Variants in TBC1D19 observed in about 807,000 individuals in gnomAD.
TBC1D19 encodes TBC1 domain family member 19, also known as TBC1 domain family, member 19.
In TBC1D19, 60 loss-of-function variants were observed where a neutral mutation model predicts 89.0. The ratio of observed to expected loss-of-function variants is 0.67; its 90% CI spans 0.55 to 0.84. TBC1D19 has a LOEUF of 0.84. Among genes scored for constraint, TBC1D19 ranks in the 40% least tolerant of loss-of-function variants. The pLI is 0.00. For synonymous variants in TBC1D19, 189 were observed against 199.7 expected, an observed-to-expected ratio of 0.95 and a Z score of 0.45; for missense variants, 500 against 610.8, an observed-to-expected ratio of 0.82 and a Z score of 1.91.
At chr4:26,688,135 A>G (rs1043711436) in intron 12 of TBC1D19, among the ~76,000 whole-genome samples, 4 of 152,162 alleles carry the variant, frequency 2.6e-5, no homozygotes, top group Non-Finnish European at 5.9e-5. Context: ...TACTAATGGG[A>G]CCTTAAAAAG....
At chr4:26,777,999 T>C in the TBC1D19 span, among the ~76,000 whole-genome samples, 1 of 147,276 alleles carries the variant, frequency 6.8e-6, no homozygotes, top group South Asian at 2.1e-4. Flanking sequence ...CTTGAACCCA[T>C]GAGGCTGAGG....
intron 4 of TBC1D19, among the ~76,000 whole-genome samples, chr4:26,622,096 G>T (rs1426360451): frequency 6.6e-6 from 1 of 152,048 alleles, no homozygotes; most frequent in Non-Finnish European, 1.5e-5. Flanking sequence ...GACTGTTGTG[G>T]GGTGGGGGGA....
At chr4:26,627,068 T>A (rs1232033432) in intron 4 of TBC1D19, among the ~76,000 whole-genome samples, 1 of 150,378 alleles carries the variant, frequency 6.6e-6, no homozygotes, top group Non-Finnish European at 1.5e-5. Context: ...GTCCCCAGGG[T>A]GTGATGTTCC....
At chr4:26,672,725 G>A (rs1361090835) in intron 10 of TBC1D19, among the ~76,000 whole-genome samples, 1 of 151,770 alleles carries the variant, frequency 6.6e-6, no homozygotes, top group African/African-American at 2.4e-5. Flanking sequence ...GAGATATGAA[G>A]TACAGATTGG....
At chr4:26,621,504 T>C (rs892274993) in intron 4 of TBC1D19, among the ~76,000 whole-genome samples, 9 of 152,208 alleles carry the variant, frequency 5.9e-5, no homozygotes, top group African/African-American at 1.7e-4. Context: ...AGAACTCCCA[T>C]GAACCCATCA....
chr4:26,759,469 GT>G (rs1719389010), downstream of TBC1D19, among the ~76,000 whole-genome samples: 1 of 152,042 alleles, frequency 6.6e-6, no homozygotes, highest in Non-Finnish European at 1.5e-5. Flanking sequence ...GTACAATAAA[GT>G]TATATGTATA....
chr4:26,645,833 T>C (rs191464164), intron 7 of TBC1D19, among the ~76,000 whole-genome samples: 2 of 151,294 alleles, frequency 1.3e-5, no homozygotes, highest in East Asian at 1.9e-4. Flanking sequence ...CATCAAAAAG[T>C]GGGCAAAGGG....
upstream of TBC1D19, among the ~76,000 whole-genome samples, chr4:26,580,304 C>T (rs1357672680): frequency 1.3e-5 from 2 of 152,176 alleles, no homozygotes; most frequent in Admixed American, 6.5e-5. Context: ...CTTTGTGAAC[C>T]TTGGGGTTTA....
chr4:26,764,252 A>G, the TBC1D19 span, among the ~76,000 whole-genome samples: 1 of 152,192 alleles, frequency 6.6e-6, no homozygotes, highest in Non-Finnish European at 1.5e-5. Flanking sequence ...TGAAGTCGGG[A>G]TATGACAGTG....
the TBC1D19 span, among the ~76,000 whole-genome samples, chr4:26,848,220 T>C: frequency 6.6e-6 from 1 of 152,174 alleles, no homozygotes; most frequent in Non-Finnish European, 1.5e-5. Context: ...AATGAAACGG[T>C]GAGGAAAAGA....
chr4:26,622,443 G>A (rs539090514), intron 4 of TBC1D19, among the ~76,000 whole-genome samples: 32 of 151,584 alleles, frequency 2.1e-4, no homozygotes, highest in African/African-American at 1.2e-4. Flanking sequence ...ATAATAAGTC[G>A]ACTCTTAGAG....
the TBC1D19 span, among the ~76,000 whole-genome samples, chr4:26,813,086 G>A: frequency 6.6e-6 from 1 of 151,928 alleles, no homozygotes; most frequent in Non-Finnish European, 1.5e-5. Flanking sequence ...CAGGTGTGGT[G>A]GCTCATGTCT....
intron 18 of TBC1D19, among the ~76,000 whole-genome samples, chr4:26,746,995 G>T (rs144088962): frequency 6.6e-6 from 1 of 152,162 alleles, no homozygotes; most frequent in Non-Finnish European, 1.5e-5. Flanking sequence ...GAGTGGGACC[G>T]TGCGAGCTTT....
At chr4:26,699,692 G>T (rs1345406478) in intron 13 of TBC1D19, among the ~76,000 whole-genome samples, 1 of 152,120 alleles carries the variant, frequency 6.6e-6, no homozygotes, top group Non-Finnish European at 1.5e-5. Context: ...CATAAAAAAT[G>T]ATGAGTTCAT....
intron 1 of TBC1D19, among the ~76,000 whole-genome samples, chr4:26,596,492 G>C (rs1026362065): frequency 1.8e-4 from 28 of 151,746 alleles, no homozygotes; most frequent in African/African-American, 6.5e-4. Context: ...GTGTGTGAGA[G>C]AGAGTGTGTT....
At chr4:26,774,003 G>A in the TBC1D19 span, among the ~76,000 whole-genome samples, 1 of 152,138 alleles carries the variant, frequency 6.6e-6, no homozygotes, top group South Asian at 2.1e-4. Flanking sequence ...AGAAATAGGG[G>A]ACACTTGATG....
chr4:26,657,555 T>A (rs968339495), intron 7 of TBC1D19, among the ~76,000 whole-genome samples: 1 of 152,216 alleles, frequency 6.6e-6, no homozygotes, highest in African/African-American at 2.4e-5. Flanking sequence ...TACATGTGCA[T>A]GTGTCTTTAT....
chr4:26,714,402 A>C (rs1716432859), intron 13 of TBC1D19, among the ~76,000 whole-genome samples: 1 of 152,066 alleles, frequency 6.6e-6, no homozygotes, highest in South Asian at 2.1e-4. Flanking sequence ...TTGAACTGAA[A>C]CTACTCTCGT....
chr4:26,810,572 G>A, the TBC1D19 span, among the ~76,000 whole-genome samples: 1 of 151,890 alleles, frequency 6.6e-6, no homozygotes, highest in Non-Finnish European at 1.5e-5. Flanking sequence ...TGCAGTTCTC[G>A]GGACACATTC....
Sources: allele counts gnomAD v4.1 joint callset (sites outside exome capture counted in the v4.1 genomes callset), GRCh38; gene constraint gnomAD v4.1.1; transcripts MANE v1.5; gene names NCBI Gene and HGNC (gene_info 2026-07-23, HGNC 2026-07-21).